Variants in HSPB1 observed in about 807,000 individuals in gnomAD.
HSPB1 encodes heat shock protein beta-1.
HSPB1 carries 19 observed loss-of-function variants against 17.0 expected under a neutral mutation model. The ratio of observed to expected loss-of-function variants is 1.12; its 90% CI spans 0.78 to 1.64. HSPB1 has a LOEUF of 1.64. Among genes scored for constraint, HSPB1 ranks in the 40% most tolerant of loss-of-function variants. HSPB1 has a pLI of 0.00. For missense variants in HSPB1, 348 were observed against 289.2 expected (o/e 1.20, Z -1.47); for synonymous variants, 165 against 129.8 (o/e 1.27, Z -1.84).
chr7:76,303,415 GATC>G lies in HSPB1; in HGVS notation c.364+343_364+345del, dbSNP rs566222864. 564 of 443,560 alleles carry G rather than the reference GATC, an allele frequency of 1.3e-3. 8 individuals are homozygous for G. In the South Asian group the frequency reaches 0.019, roughly 15 times the overall value. The allele number at this position is 443,560 out of a possible 1,614,324, so 27.5% of individuals were successfully genotyped here. A position where few individuals can be genotyped will look rare whatever the true frequency, so the allele number is the denominator to read the frequency against. ...AAAAGCAAACAAAAATTTTTTTAAA[GATC>G]ATCGATGAAGAGAGAAAATGCGCTT... On this transcript the variant is annotated intron_variant, in intron 1 of 2. Transcript: ENST00000248553.
At position 76,303,787 on chromosome 7, in the gene HSPB1, C is replaced by G; in HGVS notation, c.365-15C>G. On this transcript the variant is annotated splice_polypyrimidine_tract_variant and intron_variant, in intron 1 of 2. Transcript: ENST00000248553. ...TCCCCTCCCCCGCAGTCTGATTTCC[C>G]TCTTCCCCCCAAAGGCAAGCACGAG... 3.7e-6 allele frequency: 6 copies of G among 1,610,650 alleles called. No homozygotes were observed. Among genetic ancestry groups the G allele is most frequent in the Non-Finnish European group, 5.1e-6 (6 of 1,179,488 alleles).
chr7:76,304,043 T>A lies in HSPB1; in HGVS notation c.488T>A (p.Leu163Gln). 6.2e-7 allele frequency: 1 copy of A among 1,613,870 alleles called. No individual in the cohort carries two copies. Among genetic ancestry groups the A allele is most frequent in the East Asian group, 2.2e-5 (1 of 44,884 alleles). The change falls in exon 3 of 3, where the codon CTG (leucine) becomes CAG (glutamine). Residue 163 changes from leucine (L) to glutamine (Q), a missense_variant. Coordinates refer to ENST00000248553, the MANE Select transcript of HSPB1 (RefSeq NM_001540.5). ...TCCTCCCTGTCCCCTGAGGGCACAC[T>A]GACCGTGGAGGCCCCCATGCCCAAG... ...VSSSLSPEGT[L>Q]TVEAPMPKLA...
chr7:76,303,142 C>A, intron 1 of HSPB1, 66 bp downstream of exon 1: 1 of 1,482,038 alleles, frequency 6.7e-7, no homozygotes. Context: ...CGGGGGCGTG[C>A]GGTTGAAACG....
At position 76,303,838 on chromosome 7, in the gene HSPB1, T is replaced by C; in HGVS notation, c.401T>C (p.Ile134Thr). The C allele has an allele frequency of 6.3e-7, 1 of 1,592,976 alleles. No individual in the cohort carries two copies. The highest frequency in any genetic ancestry group is 2.3e-5 in the East Asian group (1 of 43,336). ...GAGCGGCAGGACGAGCATGGCTACA[T>C]CTCCCGGTGCTTCACGCGGAAATAC... is the stretch of plus-strand genomic sequence containing the variant. ...HEERQDEHGYISRCFTRKYTL... is the reference protein window; with the variant it reads ...HEERQDEHGYTSRCFTRKYTL... Residue 134 changes from isoleucine to threonine, a missense_variant, in exon 2 of 3, where the codon ATC (isoleucine) becomes ACC (threonine). Coordinates refer to ENST00000248553, the MANE Select transcript of HSPB1 (RefSeq NM_001540.5).
chr7:76,303,557 C>T (rs1230390774), intron 1 of HSPB1: 14 of 592,104 alleles, frequency 2.4e-5, no homozygotes. Context: ...CCAAGTGCGC[C>T]TGCGTACTGC....
intron 1 of HSPB1, 174 bp downstream of exon 1, chr7:76,303,250 C>T: frequency 2.7e-6 from 2 of 753,086 alleles, no homozygotes; most frequent in Non-Finnish European, 4.2e-6. Context: ...CGGGTCGCTT[C>T]TAAGGGCGCT....
At chr7:76,303,493 G>C (rs1371747926) in intron 1 of HSPB1, 1 of 562,258 alleles carries the variant, frequency 1.8e-6, no homozygotes, top group Non-Finnish European at 3.2e-6. Context: ...GATAAGCGGG[G>C]AGTTCCCTGG....
intron 1 of HSPB1, chr7:76,303,369 G>A (rs1268381010): frequency 1.4e-5 from 6 of 432,688 alleles, no homozygotes; most frequent in African/African-American, 2.3e-5. Flanking sequence ...CCCCCGCCCC[G>A]ACCCCGCGCC....
rs201897299 is a variant in HSPB1, at chr7:76,303,795, C to T, written c.365-7C>T. ...CCCGCAGTCTGATTTCCCTCTTCCCCCCAAAGGCAAGCACGAGGAGCGGCA... is the reference window on the plus strand; with the variant it reads ...CCCGCAGTCTGATTTCCCTCTTCCCTCCAAAGGCAAGCACGAGGAGCGGCA... On this transcript the variant is annotated splice_region_variant and splice_polypyrimidine_tract_variant and intron_variant, in intron 1 of 2. Transcript: ENST00000248553. The T allele has an allele frequency of 5.0e-5, 80 of 1,610,766 alleles. 1 individual carries two copies. The East Asian group carries it at 1.7e-3, about 35-fold the overall frequency.
Position 76,304,236 on chromosome 7 carries a change from T to G in HSPB1, c.*63T>G. On this transcript the variant is annotated 3_prime_UTR_variant, in exon 3 of 3. Coordinates refer to ENST00000248553, the MANE Select transcript of HSPB1 (RefSeq NM_001540.5). ...GGCTGTGCCTCCCCCGCCACCTGTG[T>G]GTTCTTTTGATACATTTATCTTCTG... 7.0e-7 allele frequency: 1 copy of G among 1,427,636 alleles called. No individual in the cohort carries two copies. Among genetic ancestry groups the G allele is most frequent in the South Asian group, 1.2e-5 (1 of 83,066 alleles). 88.4% of individuals were successfully genotyped at this position (1,427,636 alleles called of 1,614,324 possible).
chr7:76,303,477 T>G, intron 1 of HSPB1: 2 of 485,800 alleles, frequency 4.1e-6, no homozygotes, highest in Admixed American at 3.4e-5. Flanking sequence ...CACAGCCCCA[T>G]CCCCAGATAA....
At chr7:76,303,346 A>G in intron 1 of HSPB1, 1 of 501,696 alleles carries the variant, frequency 2.0e-6, no homozygotes, top group East Asian at 3.4e-5. Flanking sequence ...TGGGCAACAT[A>G]GCGAGACGCG....
chr7:76,303,987 GC>G lies in HSPB1; in HGVS notation c.438del (p.Gly147ValfsTer17), dbSNP rs747325717. 1 of 1,613,638 alleles carries G rather than the reference GC, an allele frequency of 6.2e-7. No homozygotes were observed. ...CCTTTCCTCTCTGCACGTCCAGGCT[GC>G]CCCCCGGTGTGGACCCCACCCAAGT... ...SRCFTRKYTL[P>X]PGVDPTQVSS... On this transcript the variant is annotated frameshift_variant, in exon 3 of 3. Transcript: ENST00000248553. LOFTEE classifies it high-confidence loss of function.
rs931154885 is a variant in HSPB1 at position 76,304,085 on chromosome 7, A to T, written c.530A>T (p.Asn177Ile). ...ATGCCCAAGCTAGCCACGCAGTCCA[A>T]CGAGATCACCATCCCAGTCACCTTC... ...APMPKLATQS[N>I]EITIPVTFES... The change falls in exon 3 of 3, where the codon AAC becomes ATC. Residue 177 changes from asparagine (N) to isoleucine (I), a missense_variant. Transcript: ENST00000248553. 1.9e-6 allele frequency: 3 copies of T among 1,613,668 alleles called. No individual in the cohort carries two copies. Among genetic ancestry groups the T allele is most frequent in the Non-Finnish European group, 8.5e-7 (1 of 1,179,908 alleles).
intron 2 of HSPB1, 45 bp from the exon 3 acceptor site, chr7:76,303,939 C>G (rs1263831811): frequency 3.1e-6 from 5 of 1,611,566 alleles, no homozygotes; most frequent in African/African-American, 1.3e-5. Flanking sequence ...CAGGGACCCA[C>G]CCGGTGTGTA....
chr7:76,303,920 A>C (rs1803064476), intron 2 of HSPB1, 55 bp downstream of exon 2: 2 of 1,609,872 alleles, frequency 1.2e-6, no homozygotes, highest in East Asian at 4.5e-5. Flanking sequence ...GGGGTCAGGG[A>C]AGAGGGCACA....
Position 76,304,221 on chromosome 7 carries a change from C to T in HSPB1, c.*48C>T, listed in dbSNP as rs1032434539. The T allele has an allele frequency of 1.7e-5, 25 of 1,500,854 alleles. No individual in the cohort carries two copies. Among genetic ancestry groups the T allele is most frequent in the East Asian group, 2.4e-5 (1 of 42,344 alleles). The allele number at this position is 1,500,854 out of a possible 1,614,324, so 93.0% of individuals were successfully genotyped here. On this transcript the variant is annotated 3_prime_UTR_variant, in exon 3 of 3. Coordinates refer to ENST00000248553, the MANE Select transcript of HSPB1 (RefSeq NM_001540.5). ...CCTGCTGCCGCCACTGGCTGTGCCT[C>T]CCCCGCCACCTGTGTGTTCTTTTGA...
At position 76,302,879 on chromosome 7, in the gene HSPB1, G is replaced by C; in HGVS notation, c.167G>C (p.Arg56Pro). ...GGCAGCAGCTGGCCAGGCTACGTGCGCCCCCTGCCCCCCGCCGCCATCGAG... is the reference window on the plus strand; with the variant it reads ...GGCAGCAGCTGGCCAGGCTACGTGCCCCCCCTGCCCCCCGCCGCCATCGAG... ...LGGSSWPGYV[R>P]PLPPAAIESP... The change falls in exon 1 of 3, where the codon CGC (arginine) becomes CCC (proline). Residue 56 changes from arginine to proline, a missense_variant. Arg to Pro is a moderately radical substitution (Grantham distance 103, BLOSUM62 -2). Coordinates refer to ENST00000248553, the MANE Select transcript of HSPB1 (RefSeq NM_001540.5). 1 of 1,564,810 alleles carries C rather than the reference G, an allele frequency of 6.4e-7. No individual in the cohort carries two copies.
chr7:76,304,080 G>C lies in HSPB1; in HGVS notation c.525G>C (p.Gln175His). 1 of 1,613,776 alleles carries C rather than the reference G, an allele frequency of 6.2e-7. No homozygotes were observed. Among genetic ancestry groups the C allele is most frequent in the East Asian group, 2.2e-5 (1 of 44,866 alleles). ...CCCCCATGCCCAAGCTAGCCACGCA[G>C]TCCAACGAGATCACCATCCCAGTCA... ...VEAPMPKLAT[Q>H]SNEITIPVTF... is the part of the protein sequence containing the mutation. Residue 175 changes from glutamine (Q) to histidine (H), a missense_variant, in exon 3 of 3, where the codon CAG becomes CAC. By Grantham distance (24) the Gln-to-His change is conservative. Coordinates refer to ENST00000248553, the MANE Select transcript of HSPB1 (RefSeq NM_001540.5).
Sources: gnomAD v4.1 joint callset for allele counts on GRCh38, gnomAD v4.1.1 for gene constraint, MANE v1.5 for transcripts, NCBI Gene and HGNC (gene_info 2026-07-23, HGNC 2026-07-21) for gene names.